The following FCRLB variants were observed in gnomAD, a reference collection of about 807,000 sequenced individuals.
FCRLB encodes the protein Fc receptor-like B.
A neutral mutation model predicts 33.6 loss-of-function variants in FCRLB; 34 were observed. That is an observed-to-expected ratio of 1.01 (90% CI 0.77 to 1.35). The LOEUF (loss-of-function observed/expected upper bound fraction) is 1.35. Among genes scored for constraint, FCRLB ranks in the 40% most tolerant of loss-of-function variants. The pLI is 0.00. For synonymous variants in FCRLB, 280 were observed against 255.9 expected (o/e 1.09, Z -0.90); for missense variants, 560 against 580.2 (o/e 0.97, Z 0.36).
intron 5 of FCRLB, 43 bp from the exon 6 acceptor site, chr1:161,725,778 G>T: frequency 1.9e-6 from 3 of 1,558,020 alleles, no homozygotes; most frequent in South Asian, 1.2e-5. Context: ...CTCCAGGGCT[G>T]GACTTTCTGT....
intron 2 of FCRLB, among the ~76,000 whole-genome samples, 164 bp from the exon 3 acceptor site, chr1:161,722,489 A>C (rs553262120): frequency 6.6e-6 from 1 of 152,226 alleles, no homozygotes; most frequent in African/African-American, 2.4e-5. Context: ...CACTTGGGAT[A>C]CCTGATATTC....
chr1:161,722,554 G>A, intron 2 of FCRLB, 99 bp from the exon 3 acceptor site: 1 of 1,142,746 alleles, frequency 8.8e-7, no homozygotes, highest in East Asian at 2.4e-5. Flanking sequence ...GAGTGGGTGG[G>A]AGAAGCAGCA....
At chr1:161,725,922 T>G in exon 6 of FCRLB, 2 of 1,614,218 alleles carry the variant, frequency 1.2e-6, no homozygotes, top group South Asian at 2.2e-5. Flanking sequence ...CAAGCTTCAC[T>G]ACTACCACGA....
rs1269366677 is a variant in FCRLB, at chr1:161,726,823, T to A, written c.695T>A (p.Leu232Gln). 2 of 1,570,066 alleles carry A rather than the reference T, an allele frequency of 1.3e-6. No homozygotes were observed. The highest frequency in any genetic ancestry group is 1.7e-6 in the Non-Finnish European group (2 of 1,158,036). Reference sequence around the variant, plus strand: ...CACCCGCAGAAGCGCGACACGCCGCTGCAGTTCGCGTTTTACAAGTACAGC... The same window carrying A: ...CACCCGCAGAAGCGCGACACGCCGCAGCAGTTCGCGTTTTACAAGTACAGC... Residue 232 changes from leucine to glutamine, a missense_variant, in exon 7 of 8, where the codon CTG (leucine) becomes CAG (glutamine). By Grantham distance (113) the Leu-to-Gln change is moderately radical (BLOSUM62 -2). Coordinates refer to ENST00000367948, the Ensembl canonical transcript of FCRLB. This position sits in a 1 kb window ranked among gnomAD's most constrained non-coding sequence, Gnocchi z 5.2.
chr1:161,725,745 G>T, intron 5 of FCRLB, 76 bp from the exon 6 acceptor site: 1 of 1,511,156 alleles, frequency 6.6e-7, no homozygotes, highest in South Asian at 1.3e-5. Flanking sequence ...GGAGAAAGCT[G>T]GAAGGCTGTG....
Position 161,726,012 on chromosome 1 carries a change from C to T in FCRLB, c.499C>T (p.Gln167Ter), listed in dbSNP as rs1470081167. 6 of 1,613,990 alleles carry T rather than the reference C, an allele frequency of 3.7e-6. No homozygotes were observed. The African/African-American group carries it at 4.0e-5, about 11-fold the overall frequency. The change falls in exon 6 of 8, where the codon CAG (glutamine) becomes TAG (stop). Residue 167 changes from glutamine to a stop codon, truncating the protein, a stop_gained. Coordinates refer to ENST00000367948, the Ensembl canonical transcript of FCRLB. LOFTEE classifies it high-confidence loss of function. This position sits in a 1 kb window ranked among gnomAD's most constrained non-coding sequence, Gnocchi z 5.2. ...GCGTGCCAGCGACAGCGGGCGCTAC[C>T]AGTGCTCGGGCACCATGCGCATCCC...
exon 8 of FCRLB, chr1:161,727,685 G>T: frequency 6.4e-7 from 1 of 1,562,182 alleles, no homozygotes; most frequent in South Asian, 1.2e-5. Context: ...CGTCCCCTCT[G>T]CAGGCTCATT....
Position 161,724,221 on chromosome 1 carries a change from A to C in FCRLB, c.307+600A>C, listed in dbSNP as rs116733245. On this transcript the variant is annotated intron_variant, in intron 5 of 7. Transcript: ENST00000367948. Reference sequence around the variant, plus strand: ...ACGTGTATATGTGTACACAGGAGTCAGCTGAGAAACTGATTCTCGAGATGC... The same window carrying C: ...ACGTGTATATGTGTACACAGGAGTCCGCTGAGAAACTGATTCTCGAGATGC... 4.2e-3 allele frequency among the ~76,000 whole-genome samples: 637 copies of C among 152,362 alleles called. 4 individuals are homozygous for C. Among genetic ancestry groups the C allele is most frequent in the Admixed American group, 8.6e-3 (131 of 15,304 alleles).
At chr1:161,722,735 T>C (rs1273515760) in intron 3 of FCRLB, 32 bp downstream of exon 3, 3 of 1,612,870 alleles carry the variant, frequency 1.9e-6, no homozygotes, top group Admixed American at 3.3e-5. Flanking sequence ...AGAAGAGCTT[T>C]GGGTGGTGGA....
Position 161,726,288 on chromosome 1 carries a change from C to T in FCRLB, c.574+201C>T, listed in dbSNP as rs1683556902. ...CCTGCTTGGAGGCTGGTCCCTTTCCCCGACGCACATCCTGGCTTCTCACTC... is the reference window on the plus strand; with the variant it reads ...CCTGCTTGGAGGCTGGTCCCTTTCCTCGACGCACATCCTGGCTTCTCACTC... On this transcript the variant is annotated intron_variant, in intron 6 of 7. Coordinates refer to ENST00000367948, the Ensembl canonical transcript of FCRLB. The surrounding 1 kb of genome is among the most constrained non-coding windows in gnomAD (Gnocchi z 5.2). 1 of 949,210 alleles carries T rather than the reference C, an allele frequency of 1.1e-6. No individual in the cohort carries two copies. The highest frequency in any genetic ancestry group is 1.6e-5 in the African/African-American group (1 of 61,838). 58.8% of individuals were successfully genotyped at this position (949,210 alleles called of 1,614,324 possible).
At chr1:161,722,275 T>G (rs928519152) in intron 2 of FCRLB, among the ~76,000 whole-genome samples, 2 of 152,172 alleles carry the variant, frequency 1.3e-5, no homozygotes, top group Non-Finnish European at 2.9e-5. Flanking sequence ...CTTGCAGGGC[T>G]GGCTGGAAGG....
intron 2 of FCRLB, 36 bp from the exon 3 acceptor site, chr1:161,722,617 C>T (rs201676981): frequency 6.8e-6 from 11 of 1,606,468 alleles, no homozygotes; most frequent in Non-Finnish European, 9.4e-6. Flanking sequence ...CTCTCTGTTC[C>T]CCATCTCATG....
chr1:161,727,194 G>A (rs569887057), intron 7 of FCRLB, 53 bp from the exon 8 acceptor site: 1 of 1,323,224 alleles, frequency 7.6e-7, no homozygotes, highest in Non-Finnish European at 1.0e-6. Flanking sequence ...CCCCAGCCCA[G>A]CGCCGAGAAG....
chr1:161,723,921 C>T (rs1683457433), intron 5 of FCRLB, among the ~76,000 whole-genome samples: 1 of 152,142 alleles, frequency 6.6e-6, no homozygotes. Context: ...ACCTGGAGTG[C>T]TGGACAGAGA....
intron 4 of FCRLB, 116 bp from the exon 5 acceptor site, chr1:161,723,251 G>T: frequency 7.6e-7 from 1 of 1,319,526 alleles, no homozygotes; most frequent in Non-Finnish European, 1.1e-6. Flanking sequence ...TAGTACATGG[G>T]CTGGGGCCTG....
intron 3 of FCRLB, 50 bp from the exon 4 acceptor site, chr1:161,722,939 A>T (rs370828786): frequency 3.1e-6 from 5 of 1,611,146 alleles, no homozygotes; most frequent in Middle Eastern, 1.7e-4. Flanking sequence ...CTCTCCTCTC[A>T]TCGCCAATAT....
intron 5 of FCRLB, among the ~76,000 whole-genome samples, chr1:161,724,447 A>T (rs1683475704): frequency 7.8e-6 from 1 of 127,760 alleles, no homozygotes; most frequent in East Asian, 2.6e-4. Flanking sequence ...AAAAAAAAAA[A>T]ATAGCTGGGC....
chr1:161,725,925 T>C (rs750884116), exon 6 of FCRLB: 5 of 1,614,220 alleles, frequency 3.1e-6, no homozygotes, highest in Non-Finnish European at 4.2e-6. Flanking sequence ...GCTTCACTAC[T>C]ACCACGACGG....
At chr1:161,723,320 T>A in intron 4 of FCRLB, 47 bp from the exon 5 acceptor site, 1 of 1,598,652 alleles carries the variant, frequency 6.3e-7, no homozygotes, top group African/African-American at 1.3e-5. Flanking sequence ...CACCTCACCT[T>A]GATTCTCTTT....
Sources: gnomAD v4.1 joint callset for allele counts (sites outside exome capture counted in the v4.1 genomes callset) on GRCh38, gnomAD v4.1.1 for gene constraint, Gnocchi (gnomAD v3.1) non-coding constraint, MANE v1.5 for transcripts, NCBI Gene and HGNC (gene_info 2026-07-23, HGNC 2026-07-21) for gene names.